The following TCF4 variants were observed in gnomAD, a reference collection of about 807,000 sequenced individuals.
TCF4 encodes the protein transcription factor 4.
Under a neutral mutation model 82.1 loss-of-function variants are expected in TCF4, and 3 were observed. That is an observed-to-expected ratio of 0.04 (90% CI 0.02 to 0.09). The LOEUF (loss-of-function observed/expected upper bound fraction) is 0.09. Ranked by LOEUF, TCF4 falls within the 10% of genes least tolerant of loss-of-function variation. The pLI is 1.00. For synonymous variants in TCF4, 276 were observed against 309.6 expected, an observed-to-expected ratio of 0.89 and a Z score of 1.14; for missense variants, 518 against 852.7, an observed-to-expected ratio of 0.61 and a Z score of 4.89.
At chr18:55,359,671 G>A (rs545312611) in intron 6 of TCF4, among the ~76,000 whole-genome samples, 25 of 152,268 alleles carry the variant, frequency 1.6e-4, no homozygotes, top group African/African-American at 2.4e-4. Context: ...TGTCCTCAGC[G>A]TTCCTCCTGT....
chr18:55,437,931 C>A (rs1047867313), intron 5 of TCF4, among the ~76,000 whole-genome samples: 1 of 152,060 alleles, frequency 6.6e-6, no homozygotes, highest in Admixed American at 6.6e-5. Flanking sequence ...CCAGGCACAG[C>A]GGCTCACGCC....
At chr18:55,524,895 T>C (rs570839144) in intron 3 of TCF4, among the ~76,000 whole-genome samples, 1 of 152,208 alleles carries the variant, frequency 6.6e-6, no homozygotes, top group South Asian at 2.1e-4. Flanking sequence ...AAGACAGTGA[T>C]AAAAAGGAAT....
chr18:55,566,198 G>A (rs1268537180), intron 3 of TCF4, among the ~76,000 whole-genome samples: 1 of 152,058 alleles, frequency 6.6e-6, no homozygotes, highest in Non-Finnish European at 1.5e-5. Context: ...GGGCGACAGA[G>A]CGAGATTCTG....
At chr18:55,635,142 T>C (rs1329919300) in intron 1 of TCF4, among the ~76,000 whole-genome samples, 2 of 152,044 alleles carry the variant, frequency 1.3e-5, no homozygotes, top group Admixed American at 6.6e-5. Flanking sequence ...AGAATGTTGA[T>C]GGGAAAGGAG....
intron 6 of TCF4, among the ~76,000 whole-genome samples, chr18:55,386,988 A>G (rs1311607002): frequency 6.6e-6 from 1 of 152,236 alleles, no homozygotes; most frequent in Non-Finnish European, 1.5e-5. Flanking sequence ...CCATTTTTAC[A>G]CTAGAACAGA....
intron 5 of TCF4, among the ~76,000 whole-genome samples, chr18:55,446,002 C>T (rs1245949093): frequency 6.6e-6 from 1 of 152,170 alleles, no homozygotes; most frequent in Non-Finnish European, 1.5e-5. Flanking sequence ...GAGTAGATGT[C>T]TGCTAGAGGT....
intron 5 of TCF4, among the ~76,000 whole-genome samples, chr18:55,440,313 C>T (rs549077427): frequency 1.3e-5 from 2 of 152,240 alleles, no homozygotes; most frequent in South Asian, 2.1e-4. Flanking sequence ...GTTCTCACTT[C>T]TTGAAGATTT....
At chr18:55,524,444 A>G (rs1285662035) in intron 3 of TCF4, among the ~76,000 whole-genome samples, 2 of 152,146 alleles carry the variant, frequency 1.3e-5, no homozygotes, top group Non-Finnish European at 2.9e-5. Context: ...GTGTTTCATG[A>G]AAAACCAAAG....
intron 3 of TCF4, among the ~76,000 whole-genome samples, chr18:55,509,670 T>C (rs900106364): frequency 6.6e-6 from 1 of 152,174 alleles, no homozygotes; most frequent in African/African-American, 2.4e-5. Context: ...ACTAAAACAA[T>C]AGAGGGTTGC....
chr18:55,373,410 C>T (rs1184145492), intron 6 of TCF4, among the ~76,000 whole-genome samples: 1 of 152,012 alleles, frequency 6.6e-6, no homozygotes, highest in Non-Finnish European at 1.5e-5. Flanking sequence ...TATAAATACC[C>T]TGAGCGGTTG....
intron 8 of TCF4, chr18:55,320,945 G>C (rs762482608): frequency 6.6e-6 from 1 of 152,498 alleles, no homozygotes; most frequent in Non-Finnish European, 1.5e-5. Context: ...CAAAATACCA[G>C]ACACATTTTT....
chr18:55,507,562 G>A (rs1568265651), intron 3 of TCF4, among the ~76,000 whole-genome samples: 1 of 151,498 alleles, frequency 6.6e-6, no homozygotes, highest in Non-Finnish European at 1.5e-5. Context: ...GGGGGCGGGG[G>A]GACTACTGTA....
At chr18:55,365,608 C>A (rs780264459) in intron 6 of TCF4, among the ~76,000 whole-genome samples, 11 of 151,932 alleles carry the variant, frequency 7.2e-5, no homozygotes, top group Admixed American at 6.6e-4. Context: ...GGATAAAAAT[C>A]TAAAGTTTTG....
At chr18:55,600,981 G>A (rs1033916456) in intron 2 of TCF4, among the ~76,000 whole-genome samples, 1 of 152,068 alleles carries the variant, frequency 6.6e-6, no homozygotes, top group African/African-American at 2.4e-5. Context: ...TTTATATCAG[G>A]GACTTGAGCA....
chr18:55,498,474 A>T (rs1418759285), intron 3 of TCF4, among the ~76,000 whole-genome samples: 6 of 152,180 alleles, frequency 3.9e-5, no homozygotes. Flanking sequence ...AGCGCTCTGG[A>T]TGTCAGTTTC....
At chr18:55,483,477 G>T (rs1206251726) in intron 3 of TCF4, among the ~76,000 whole-genome samples, 1 of 152,200 alleles carries the variant, frequency 6.6e-6, no homozygotes, top group Non-Finnish European at 1.5e-5. Flanking sequence ...CCAGTCACAT[G>T]ACCAGATGGA....
At chr18:55,389,456 C>T (rs1267675475) in intron 6 of TCF4, among the ~76,000 whole-genome samples, 1 of 152,192 alleles carries the variant, frequency 6.6e-6, no homozygotes, top group Non-Finnish European at 1.5e-5. Context: ...AGGCAGCTCG[C>T]TCTGCCCTGG....
At chr18:55,489,129 G>A (rs2096548923) in intron 3 of TCF4, among the ~76,000 whole-genome samples, 1 of 152,132 alleles carries the variant, frequency 6.6e-6, no homozygotes, top group Non-Finnish European at 1.5e-5. Flanking sequence ...CAGGATGTGG[G>A]GGCACCCACT....
chr18:55,404,094 GA>G, intron 5 of TCF4: 2 of 1,078,862 alleles, frequency 1.9e-6, no homozygotes, highest in Non-Finnish European at 2.3e-6. Context: ...CAGGGCTTTT[GA>G]AAAATTGCCT....
Sources: gnomAD v4.1 joint callset for allele counts (sites outside exome capture counted in the v4.1 genomes callset) on GRCh38, gnomAD v4.1.1 for gene constraint, MANE v1.5 for transcripts, NCBI Gene and HGNC (gene_info 2026-07-23, HGNC 2026-07-21) for gene names.